Variants in TRABD2B observed in about 807,000 individuals in gnomAD.
The protein encoded by TRABD2B is metalloprotease TIKI2.
Under a neutral mutation model 40.1 loss-of-function variants are expected in TRABD2B, and 14 were observed. The observed-to-expected ratio is 0.35, with a 90% confidence interval of 0.23 to 0.55. The LOEUF (loss-of-function observed/expected upper bound fraction) is 0.55. TRABD2B is among the 20% of genes least tolerant of loss of function. TRABD2B has a pLI of 0.90. For missense variants in TRABD2B, 541 were observed against 648.6 expected, an observed-to-expected ratio of 0.83 and a Z score of 1.80; for synonymous variants, 263 against 277.0, an observed-to-expected ratio of 0.95 and a Z score of 0.50.
At chr1:47,850,076 C>G (rs1645527032) in intron 2 of TRABD2B, among the ~76,000 whole-genome samples, 1 of 152,238 alleles carries the variant, frequency 6.6e-6, no homozygotes, top group East Asian at 1.9e-4. Context: ...ATCTATTTCC[C>G]ACCCTCAGCT....
chr1:47,913,891 C>T (rs916079317), intron 2 of TRABD2B, among the ~76,000 whole-genome samples: 1 of 152,214 alleles, frequency 6.6e-6, no homozygotes, highest in African/African-American at 2.4e-5. Flanking sequence ...ATGAGGGGTA[C>T]TATTGCTGCC....
intron 2 of TRABD2B, among the ~76,000 whole-genome samples, chr1:47,887,673 A>G (rs1286130509): frequency 6.6e-6 from 1 of 152,186 alleles, no homozygotes. Context: ...AAGTGCAAAC[A>G]GTGTTGCTGC....
chr1:47,820,083 A>T (rs1012316612), intron 2 of TRABD2B: 3 of 152,330 alleles, frequency 2.0e-5, no homozygotes, highest in Admixed American at 6.5e-5. Context: ...ACACTATGTT[A>T]GTTCCTCACT....
intron 2 of TRABD2B, among the ~76,000 whole-genome samples, chr1:47,839,419 G>T (rs1400872149): frequency 1.3e-5 from 2 of 152,130 alleles, no homozygotes; most frequent in Non-Finnish European, 2.9e-5. Context: ...CAGTCCCCCA[G>T]TGAGACTGAT....
At chr1:47,844,494 C>T (rs540119172) in intron 2 of TRABD2B, among the ~76,000 whole-genome samples, 2 of 152,330 alleles carry the variant, frequency 1.3e-5, no homozygotes, top group Admixed American at 1.3e-4. Context: ...ACTCCAATCC[C>T]TATGATCTCA....
At chr1:47,879,229 T>C (rs77493320) in intron 2 of TRABD2B, among the ~76,000 whole-genome samples, 3,582 of 152,280 alleles carry the variant, frequency 0.024, 115 homozygotes, top group Admixed American at 0.094. Context: ...CACACATACA[T>C]ATAAATATAT....
chr1:47,884,677 G>T (rs184281626), intron 2 of TRABD2B, among the ~76,000 whole-genome samples: 1 of 152,080 alleles, frequency 6.6e-6, no homozygotes, highest in Non-Finnish European at 1.5e-5. Context: ...GCAGTGTTGC[G>T]ATCTCGGCTC....
intron 2 of TRABD2B, among the ~76,000 whole-genome samples, chr1:47,856,839 G>A (rs1643896907): frequency 6.6e-6 from 1 of 152,216 alleles, no homozygotes; most frequent in African/African-American, 2.4e-5. Flanking sequence ...ATGAGGCCTG[G>A]GCCCCGCAGG....
intron 2 of TRABD2B, among the ~76,000 whole-genome samples, chr1:47,816,107 T>C (rs1557589350): frequency 6.6e-6 from 1 of 152,186 alleles, no homozygotes; most frequent in Admixed American, 6.5e-5. Context: ...CTGGCTGTTT[T>C]TGTGTCTTCA....
intron 2 of TRABD2B, among the ~76,000 whole-genome samples, chr1:47,917,432 A>C (rs1228160254): frequency 6.6e-6 from 1 of 152,184 alleles, no homozygotes; most frequent in Non-Finnish European, 1.5e-5. Context: ...TAGAAACCAG[A>C]GTTCTTGGCC....
chr1:47,858,475 T>C (rs1393115873), intron 2 of TRABD2B, among the ~76,000 whole-genome samples: 1 of 152,118 alleles, frequency 6.6e-6, no homozygotes, highest in Non-Finnish European at 1.5e-5. Flanking sequence ...CCCAGGCTGA[T>C]CTCAAACTCC....
intron 3 of TRABD2B, chr1:47,795,676 C>T (rs1644738671): frequency 1.0e-6 from 1 of 985,216 alleles, no homozygotes; most frequent in Non-Finnish European, 1.2e-6. Context: ...TCAGCACATG[C>T]CACCCTACAG....
chr1:47,931,219 T>A (rs943195735), intron 2 of TRABD2B, among the ~76,000 whole-genome samples: 2 of 152,238 alleles, frequency 1.3e-5, no homozygotes, highest in Non-Finnish European at 2.9e-5. Context: ...GGATTCCTTC[T>A]TTTTTAAAAA....
intron 2 of TRABD2B, among the ~76,000 whole-genome samples, chr1:47,949,432 G>C (rs1180296696): frequency 8.8e-6 from 1 of 113,776 alleles, no homozygotes; most frequent in Non-Finnish European, 1.8e-5. Flanking sequence ...TTTTGAGACA[G>C]GGTCTCACTC....
chr1:47,975,221 T>C (rs1469788331), intron 2 of TRABD2B, among the ~76,000 whole-genome samples: 1 of 152,208 alleles, frequency 6.6e-6, no homozygotes, highest in East Asian at 1.9e-4. Context: ...AAGATGCTAA[T>C]AACAGGGGAA....
intron 5 of TRABD2B, among the ~76,000 whole-genome samples, chr1:47,776,138 G>A (rs1030601478): frequency 4.0e-5 from 6 of 151,676 alleles, no homozygotes; most frequent in Admixed American, 2.0e-4. Flanking sequence ...CAAATAGTAA[G>A]CAGCCAAAAC....
intron 2 of TRABD2B, among the ~76,000 whole-genome samples, chr1:47,919,626 C>G (rs1179213571): frequency 6.6e-6 from 1 of 152,184 alleles, no homozygotes; most frequent in Non-Finnish European, 1.5e-5. Flanking sequence ...CTGGACTAGA[C>G]AGTTTGTGAG....
intron 2 of TRABD2B, among the ~76,000 whole-genome samples, chr1:47,856,364 T>C (rs545138106): frequency 1.2e-4 from 18 of 152,222 alleles, no homozygotes; most frequent in Non-Finnish European, 2.4e-4. Context: ...CAGTAAATAT[T>C]AGTGAGTGAA....
At chr1:47,812,277 G>A (rs920807583) in intron 2 of TRABD2B, among the ~76,000 whole-genome samples, 8 of 152,222 alleles carry the variant, frequency 5.3e-5, no homozygotes, top group Non-Finnish European at 1.0e-4. Context: ...AGGTGATGGA[G>A]GAGATGACGG....
Sources: gnomAD v4.1 joint callset for allele counts (sites outside exome capture counted in the v4.1 genomes callset) on GRCh38, gnomAD v4.1.1 for gene constraint, MANE v1.5 for transcripts, NCBI Gene and HGNC (gene_info 2026-07-23, HGNC 2026-07-21) for gene names.